KIAA0319: variants seen among roughly 807,000 people sequenced by gnomAD.
KIAA0319 encodes KIAA0319.
Under a neutral mutation model 108.4 loss-of-function variants are expected in KIAA0319, and 83 were observed. That is an observed-to-expected ratio of 0.77 (90% CI 0.64 to 0.92). The LOEUF (loss-of-function observed/expected upper bound fraction) is 0.92, where lower values mean the gene tolerates loss of function less well. Among genes scored for constraint, KIAA0319 ranks in the 40% least tolerant of loss-of-function variants. The pLI is 0.00. For missense variants in KIAA0319, 1,195 were observed against 1,322.4 expected, an observed-to-expected ratio of 0.90 and a Z score of 1.49; for synonymous variants, 484 against 510.4, an observed-to-expected ratio of 0.95 and a Z score of 0.70.
chr6:24,566,024 C>A (rs1228155866), intron 14 of KIAA0319, among the ~76,000 whole-genome samples: 1 of 152,156 alleles, frequency 6.6e-6, no homozygotes, highest in African/African-American at 2.4e-5. Context: ...AGGAAAAAGT[C>A]AGAAAGGATT....
At chr6:24,624,966 G>T (rs953604346) in intron 1 of KIAA0319, among the ~76,000 whole-genome samples, 2 of 152,212 alleles carry the variant, frequency 1.3e-5, no homozygotes, top group African/African-American at 4.8e-5. Flanking sequence ...TCAGGAGGCT[G>T]AGGGAGGAAG....
At chr6:24,624,931 C>T (rs1476273132) in intron 1 of KIAA0319, among the ~76,000 whole-genome samples, 4 of 152,150 alleles carry the variant, frequency 2.6e-5, no homozygotes, top group African/African-American at 2.4e-5. Flanking sequence ...TATGGTTAGG[C>T]TCTTCAGCCT....
intron 5 of KIAA0319, 123 bp from the exon 6 acceptor site, chr6:24,582,469 G>C: frequency 2.6e-6 from 1 of 385,886 alleles, no homozygotes; most frequent in Non-Finnish European, 4.6e-6. Context: ...ACTCAACTCA[G>C]CTTTCTTTTT....
intron 1 of KIAA0319, among the ~76,000 whole-genome samples, chr6:24,604,705 G>A (rs1481562687): frequency 6.6e-6 from 1 of 152,054 alleles, no homozygotes; most frequent in African/African-American, 2.4e-5. Context: ...CATATTTAAG[G>A]TTCTTTCTTT....
chr6:24,574,676 A>G (rs979142912), intron 10 of KIAA0319, among the ~76,000 whole-genome samples: 8 of 152,208 alleles, frequency 5.3e-5, no homozygotes, highest in Non-Finnish European at 1.0e-4. Context: ...TTGTCTATAG[A>G]TAAATGTTTC....
At chr6:24,601,968 C>T (rs138071263) in intron 1 of KIAA0319, among the ~76,000 whole-genome samples, 196 of 151,798 alleles carry the variant, frequency 1.3e-3, no homozygotes, top group Middle Eastern at 7.0e-3. Flanking sequence ...TATCCAGGCT[C>T]TCAAAGCTAA....
chr6:24,564,204 G>C lies in KIAA0319; in HGVS notation c.2429C>G (p.Pro810Arg). 1 of 1,614,092 alleles carries C rather than the reference G, an allele frequency of 6.2e-7. No homozygotes were observed. Among genetic ancestry groups the C allele is most frequent in the Admixed American group, 1.7e-5 (1 of 60,008 alleles). ...DTDTATVEVQ[P>R]DPRKSGLVEL... Reference sequence around the variant, plus strand: ...AGCTCCAGAGCCCAGGAACTCACCTGGCTGCACTTCCACAGTGGCAGTGTC... The same window carrying C: ...AGCTCCAGAGCCCAGGAACTCACCTCGCTGCACTTCCACAGTGGCAGTGTC... Residue 810 changes from proline (P) to arginine (R), a missense_variant and splice_region_variant, in exon 15 of 21, where the codon CCA becomes CGA. Transcript: ENST00000378214.
At chr6:24,547,434 G>C (rs754895152) in intron 20 of KIAA0319, 91 bp from the exon 21 acceptor site, 88 of 1,081,482 alleles carry the variant, frequency 8.1e-5, no homozygotes, top group Non-Finnish European at 1.1e-4. Flanking sequence ...TGATGGGCAC[G>C]GAGTGGTGCT....
chr6:24,598,217 G>A (rs1770041262), intron 2 of KIAA0319: 2 of 524,744 alleles, frequency 3.8e-6, no homozygotes, highest in South Asian at 1.9e-5. Context: ...GGTATGGAGG[G>A]CATCACAGCC....
chr6:24,579,766 A>T (rs145875091), intron 8 of KIAA0319, 92 bp downstream of exon 8: 498 of 978,010 alleles, frequency 5.1e-4, no homozygotes, highest in Admixed American at 7.5e-4. Flanking sequence ...GTAACAGCCC[A>T]TAAGTCCTCC....
rs570521586 is a variant in KIAA0319, at chr6:24,566,883, A to AT, written c.2141-136dup. 7.7e-5 allele frequency: 57 copies of AT among 736,112 alleles called. 2 individuals carry two copies. The highest frequency in any genetic ancestry group is 5.1e-4 in the South Asian group (20 of 39,104). 45.6% of individuals were successfully genotyped at this position (736,112 alleles called of 1,614,324 possible). On this transcript the variant is annotated intron_variant, in intron 13 of 20. Transcript: ENST00000378214. ...GTAGAATTAAAATATCCAAAAAGGC[A>AT]TTTTTTTCCCCAGATGCATATAAGA... is the stretch of plus-strand genomic sequence containing the variant.
At chr6:24,622,614 T>C (rs905634842) in intron 1 of KIAA0319, among the ~76,000 whole-genome samples, 6 of 152,290 alleles carry the variant, frequency 3.9e-5, no homozygotes, top group African/African-American at 1.4e-4. Flanking sequence ...AGCTAATATA[T>C]ATTAAGTACC....
chr6:24,578,824 C>G (rs942141486), intron 8 of KIAA0319, among the ~76,000 whole-genome samples: 1 of 152,180 alleles, frequency 6.6e-6, no homozygotes, highest in Non-Finnish European at 1.5e-5. Flanking sequence ...AAGGAAAGAA[C>G]AAGTTCATGT....
At chr6:24,573,775 AT>A (rs915916803) in intron 10 of KIAA0319, among the ~76,000 whole-genome samples, 5 of 151,526 alleles carry the variant, frequency 3.3e-5, no homozygotes, top group East Asian at 3.8e-4. Context: ...TTTTATTATT[AT>A]TTTTTTTAAC....
intron 1 of KIAA0319, among the ~76,000 whole-genome samples, chr6:24,625,640 C>G (rs1322905216): frequency 1.3e-5 from 2 of 152,108 alleles, no homozygotes; most frequent in East Asian, 3.8e-4. Flanking sequence ...AAAACTATGT[C>G]TATTCACAGA....
At chr6:24,558,365 C>CTACATAGACAGA (rs372256630) in intron 17 of KIAA0319, among the ~76,000 whole-genome samples, 3 of 150,896 alleles carry the variant, frequency 2.0e-5, no homozygotes, top group Admixed American at 1.3e-4. Flanking sequence ...ATATATATAT[C>CTACATAGACAGA]TAGATAGATA....
chr6:24,584,712 G>A (rs1329434702), intron 4 of KIAA0319, among the ~76,000 whole-genome samples: 1 of 152,216 alleles, frequency 6.6e-6, no homozygotes, highest in Non-Finnish European at 1.5e-5. Context: ...GAAAAGCAAA[G>A]TTGTCCAAGG....
rs544428462 is a variant in KIAA0319, at chr6:24,616,369, A to AT, written c.-105-15162dup. ...ATGATTTTTAATAAGGTTATTATATATTTTTTTGAGACGGAGTCTCGCTCT... is the reference window on the plus strand; with the variant it reads ...ATGATTTTTAATAAGGTTATTATATATTTTTTTTGAGACGGAGTCTCGCTCT... On this transcript the variant is annotated intron_variant, in intron 1 of 20. Transcript: ENST00000378214. Among the ~76,000 whole-genome samples the AT allele has an allele frequency of 1.3e-4, 20 of 152,192 alleles. No individual in the cohort carries two copies. The East Asian group carries it at 3.1e-3, about 24-fold the overall frequency.
At chr6:24,638,512 G>T (rs7755579) in intron 1 of KIAA0319, among the ~76,000 whole-genome samples, 102,658 of 152,074 alleles carry the variant, frequency 0.68, 35,377 homozygotes, top group East Asian at 0.87. Flanking sequence ...TGTAATCCCA[G>T]CACTTTGGGA....
Sources: gnomAD v4.1 joint callset for allele counts (sites outside exome capture counted in the v4.1 genomes callset) on GRCh38, gnomAD v4.1.1 for gene constraint, MANE v1.5 for transcripts, NCBI Gene and HGNC (gene_info 2026-07-23, HGNC 2026-07-21) for gene names.